The following GRID2 variants were observed in gnomAD, a reference collection of about 807,000 sequenced individuals.
The protein encoded by GRID2 is glutamate ionotropic receptor delta type subunit 2, also known as glutamate receptor ionotropic, delta-2.
Under a neutral mutation model 114.8 loss-of-function variants are expected in GRID2, and 33 were observed. The ratio of observed to expected loss-of-function variants is 0.29; its 90% CI spans 0.22 to 0.38. GRID2 has a LOEUF of 0.38. Ranked by LOEUF, GRID2 falls within the 10% of genes least tolerant of loss-of-function variation. The pLI, the probability that GRID2 is intolerant of heterozygous loss-of-function variation, is 1.00. For missense variants in GRID2, 1,184 were observed against 1,257.7 expected, an observed-to-expected ratio of 0.94 and a Z score of 0.89; for synonymous variants, 505 against 449.9, an observed-to-expected ratio of 1.12 and a Z score of -1.55.
chr4:92,848,041 G>A (rs1457569393), intron 2 of GRID2, among the ~76,000 whole-genome samples: 7 of 151,930 alleles, frequency 4.6e-5, no homozygotes, highest in Non-Finnish European at 1.0e-4. Context: ...TATCTTACTA[G>A]ATTTTGCTAT....
intron 1 of GRID2, among the ~76,000 whole-genome samples, chr4:93,792,891 AT>A (rs1734723101): frequency 6.6e-6 from 1 of 152,146 alleles, no homozygotes; most frequent in African/African-American, 2.4e-5. Context: ...GGTCCCACCT[AT>A]TCCTTTACCC....
chr4:92,411,853 C>T (rs1295180045), intron 1 of GRID2, among the ~76,000 whole-genome samples: 1 of 151,250 alleles, frequency 6.6e-6, no homozygotes, highest in Non-Finnish European at 1.5e-5. Context: ...CTACAGGCGC[C>T]CGCCACCACG....
chr4:93,188,249 C>T lies in GRID2; in HGVS notation c.736-19155C>T, dbSNP rs1204408661. Among the ~76,000 whole-genome samples the T allele has an allele frequency of 6.6e-5, 10 of 152,288 alleles. No homozygotes were observed. The East Asian group carries it at 1.4e-3, about 21-fold the overall frequency. Reference sequence around the variant, plus strand: ...GCTTCATTTGAAATCTAGAGTCATCCGTGCCTCCACAGCTCATAAATTCTG... The same window carrying T: ...GCTTCATTTGAAATCTAGAGTCATCTGTGCCTCCACAGCTCATAAATTCTG... On this transcript the variant is annotated intron_variant, in intron 4 of 15. Transcript: ENST00000282020.
At chr4:93,758,720 G>C (rs1286195326) in intron 14 of GRID2, among the ~76,000 whole-genome samples, 1 of 152,038 alleles carries the variant, frequency 6.6e-6, no homozygotes. Context: ...ATACATAAAT[G>C]CATAACATAT....
At chr4:92,460,376 T>C (rs1243840630) in intron 1 of GRID2, among the ~76,000 whole-genome samples, 1 of 151,984 alleles carries the variant, frequency 6.6e-6, no homozygotes, top group Non-Finnish European at 1.5e-5. Flanking sequence ...GCTTCAGTTC[T>C]TCAGAAAGAT....
At chr4:93,742,681 G>C (rs1172351884) in intron 14 of GRID2, among the ~76,000 whole-genome samples, 2 of 151,902 alleles carry the variant, frequency 1.3e-5, no homozygotes, top group South Asian at 2.1e-4. Flanking sequence ...AATTGTTTTG[G>C]GGCACAATAA....
rs1348205165 is a variant in GRID2, at chr4:93,682,574, A to G, written c.2360+56139A>G. On this transcript the variant is annotated intron_variant, in intron 14 of 15. Coordinates refer to ENST00000282020, the MANE Select transcript of GRID2 (RefSeq NM_001510.4). ...AGACTGGATTAAGAAAATGTGGGAC[A>G]TATACACCATGGAATACTATGCAGC... 1.2e-4 allele frequency among the ~76,000 whole-genome samples: 18 copies of G among 152,282 alleles called. No individual in the cohort carries two copies. The East Asian group carries it at 3.3e-3, about 28-fold the overall frequency.
At chr4:93,246,342 C>A (rs1482003518) in intron 8 of GRID2, among the ~76,000 whole-genome samples, 3 of 152,068 alleles carry the variant, frequency 2.0e-5, no homozygotes, top group Non-Finnish European at 2.9e-5. Context: ...AATCCCATCA[C>A]TTTGGGAGGC....
At chr4:93,776,046 A>G (rs1392574787), downstream of GRID2, among the ~76,000 whole-genome samples, 1 of 152,228 alleles carries the variant, frequency 6.6e-6, no homozygotes, top group Non-Finnish European at 1.5e-5. Context: ...TCCAATGGTG[A>G]AACACATTCT....
intron 14 of GRID2, among the ~76,000 whole-genome samples, chr4:93,759,614 A>T (rs1410325240): frequency 1.3e-5 from 2 of 152,244 alleles, no homozygotes; most frequent in Admixed American, 1.3e-4. Flanking sequence ...AAGTAAGGAC[A>T]AGGTTCCAGA....
intron 1 of GRID2, among the ~76,000 whole-genome samples, chr4:92,445,237 A>T: frequency 6.6e-6 from 1 of 152,178 alleles, no homozygotes. Flanking sequence ...GCAGATGGGT[A>T]ATTTGAGTCC....
At chr4:92,914,562 C>T (rs1402979806) in intron 2 of GRID2, among the ~76,000 whole-genome samples, 1 of 152,046 alleles carries the variant, frequency 6.6e-6, no homozygotes, top group Admixed American at 6.6e-5. Flanking sequence ...TGATCCTCTC[C>T]CTTCTCCCAC....
intron 2 of GRID2, among the ~76,000 whole-genome samples, chr4:92,970,404 A>G (rs1753432115): frequency 6.6e-6 from 1 of 151,994 alleles, no homozygotes; most frequent in Non-Finnish European, 1.5e-5. Context: ...AGAATATATT[A>G]ATGTTAAATG....
At chr4:92,859,786 T>C (rs1744406397) in intron 2 of GRID2, among the ~76,000 whole-genome samples, 1 of 152,116 alleles carries the variant, frequency 6.6e-6, no homozygotes, top group Admixed American at 6.5e-5. Flanking sequence ...CTGAAATTTC[T>C]TCAGATAGCA....
At chr4:93,735,680 A>G (rs1292571314) in intron 14 of GRID2, among the ~76,000 whole-genome samples, 1 of 152,064 alleles carries the variant, frequency 6.6e-6, no homozygotes, top group Non-Finnish European at 1.5e-5. Flanking sequence ...CTTTAGGGCA[A>G]TGTTGACATT....
At chr4:92,941,894 C>A (rs560919678) in intron 2 of GRID2, among the ~76,000 whole-genome samples, 34 of 152,158 alleles carry the variant, frequency 2.2e-4, no homozygotes, top group African/African-American at 3.4e-4. Context: ...TGACTTTCTT[C>A]ATCCTGAGTT....
chr4:92,931,670 C>G (rs1334015346), intron 2 of GRID2, among the ~76,000 whole-genome samples: 1 of 147,622 alleles, frequency 6.8e-6, no homozygotes, highest in Non-Finnish European at 1.5e-5. Context: ...CTAGAGTAAC[C>G]AAAATAACCT....
At chr4:92,452,200 ATAT>A (rs1261352402) in intron 1 of GRID2, among the ~76,000 whole-genome samples, 11 of 152,300 alleles carry the variant, frequency 7.2e-5, no homozygotes, top group Admixed American at 2.6e-4. Flanking sequence ...AATAAAAATA[ATAT>A]TATGCCACAT....
chr4:93,175,557 G>A (rs928021505), intron 4 of GRID2, among the ~76,000 whole-genome samples: 1 of 152,014 alleles, frequency 6.6e-6, no homozygotes, highest in African/African-American at 2.4e-5. Flanking sequence ...AAAGCCCTGT[G>A]GATTTTCTTT....
Sources: allele counts gnomAD v4.1 joint callset (sites outside exome capture counted in the v4.1 genomes callset), GRCh38; gene constraint gnomAD v4.1.1; transcripts MANE v1.5; gene names NCBI Gene and HGNC (gene_info 2026-07-23, HGNC 2026-07-21).